GAS7: variants seen among roughly 807,000 people sequenced by gnomAD.
GAS7 encodes the protein growth arrest-specific protein 7.
A neutral mutation model predicts 71.1 loss-of-function variants in GAS7; 28 were observed. The observed-to-expected ratio is 0.39, with a 90% CI of 0.29 to 0.54. GAS7 has a LOEUF of 0.54. Ranked by LOEUF, GAS7 falls within the 20% of genes least tolerant of loss-of-function variation. The pLI is 0.62. For synonymous variants in GAS7, 258 were observed against 245.8 expected, an observed-to-expected ratio of 1.05 and a Z score of -0.46; for missense variants, 436 against 627.8, an observed-to-expected ratio of 0.69 and a Z score of 3.27.
intron 1 of GAS7, among the ~76,000 whole-genome samples, chr17:10,155,493 C>T (rs546060896): frequency 6.6e-6 from 1 of 152,320 alleles, no homozygotes; most frequent in East Asian, 1.9e-4. Context: ...GTGAATGACT[C>T]GTGAGCTTCA....
intron 1 of GAS7, among the ~76,000 whole-genome samples, chr17:10,167,127 G>A (rs2074301343): frequency 1.5e-5 from 2 of 130,594 alleles, no homozygotes; most frequent in Admixed American, 9.1e-5. Context: ...GTGTGATCTC[G>A]GCTCACCGCA....
intron 1 of GAS7, among the ~76,000 whole-genome samples, chr17:10,110,266 G>A (rs2073798711): frequency 6.6e-6 from 1 of 152,032 alleles, no homozygotes; most frequent in Admixed American, 6.6e-5. Context: ...GGAACTGGAG[G>A]TTATTATGTT....
intron 1 of GAS7, among the ~76,000 whole-genome samples, chr17:10,156,320 G>A (rs2074204988): frequency 6.6e-6 from 1 of 152,168 alleles, no homozygotes; most frequent in Admixed American, 6.5e-5. Flanking sequence ...CCTGTTTCTT[G>A]ACTCAAGCCA....
intron 5 of GAS7, 49 bp from the exon 6 acceptor site, chr17:9,947,032 G>T: frequency 7.6e-7 from 1 of 1,315,092 alleles, no homozygotes; most frequent in Non-Finnish European, 1.1e-6. Context: ...GACTGGAATA[G>T]CGAGGAAGGC....
chr17:10,055,305 C>T (rs933769448), intron 1 of GAS7, among the ~76,000 whole-genome samples: 2 of 152,124 alleles, frequency 1.3e-5, no homozygotes, highest in African/African-American at 4.8e-5. Context: ...TGTAAGGTAC[C>T]CAAACCTGCA....
rs1555538249 is a variant in GAS7 at position 10,158,346 on chromosome 17, A to AACAAAAAAC, written c.183+39861_183+39862insGTTTTTTGT. Among the ~76,000 whole-genome samples, 957 of 147,288 alleles carry AACAAAAAAC rather than the reference A, an allele frequency of 6.5e-3. 8 individuals are homozygous for AACAAAAAAC. The highest frequency in any genetic ancestry group is 0.012 in the African/African-American group (464 of 39,788). On this transcript the variant is annotated intron_variant, in intron 1 of 13. Coordinates refer to ENST00000432992, the MANE Select transcript of GAS7 (RefSeq NM_201433.2). ...TTTTTCTTTTTTTGGTAAAAAAAAA[A>AACAAAAAAC]AAAAAAAAAAAAAACAAGGCCAGGT... is the stretch of plus-strand genomic sequence containing the variant.
intron 3 of GAS7, among the ~76,000 whole-genome samples, chr17:9,975,966 C>T (rs2070184860): frequency 1.4e-5 from 2 of 144,922 alleles, no homozygotes; most frequent in Non-Finnish European, 3.1e-5. Flanking sequence ...CAATTACAGC[C>T]TCCTTCCTCC....
intron 5 of GAS7, 112 bp from the exon 6 acceptor site, chr17:9,947,095 G>A (rs185742746): frequency 2.6e-5 from 17 of 655,924 alleles, no homozygotes; most frequent in Admixed American, 5.0e-5. Flanking sequence ...GACAGAACAC[G>A]CACAGGGATC....
chr17:10,117,188 C>T (rs9897130), intron 1 of GAS7, among the ~76,000 whole-genome samples: 68,165 of 151,484 alleles, frequency 0.45, 15,986 homozygotes, highest in East Asian at 0.65. Flanking sequence ...CTTTCCCTGG[C>T]TTTCGGCCCC....
intron 1 of GAS7, among the ~76,000 whole-genome samples, chr17:10,129,459 C>A (rs188697538): frequency 6.6e-6 from 1 of 152,116 alleles, no homozygotes; most frequent in African/African-American, 2.4e-5. Context: ...TGTTTGAGAC[C>A]GGAAGGTCAA....
At position 10,139,173 on chromosome 17, in the gene GAS7, C is replaced by T. The variant is rs529180487; in HGVS notation, c.183+59035G>A. ...GTTATGAGGAAACTCCAGAGGAATT[C>T]CCACTAAAGACAGGAACACAGCTAT... On this transcript the variant is annotated intron_variant, in intron 1 of 13. Coordinates refer to ENST00000432992, the MANE Select transcript of GAS7 (RefSeq NM_201433.2). 8.5e-5 allele frequency among the ~76,000 whole-genome samples: 13 copies of T among 152,300 alleles called. No homozygotes were observed. In the East Asian group the frequency reaches 2.5e-3, roughly 29 times the overall value.
chr17:10,123,975 A>T (rs1206787725), intron 1 of GAS7, among the ~76,000 whole-genome samples: 1 of 152,236 alleles, frequency 6.6e-6, no homozygotes, highest in African/African-American at 2.4e-5. Flanking sequence ...CACTCATGCC[A>T]GTACCATCTG....
At chr17:10,002,144 A>G (rs1465081356) in intron 2 of GAS7, among the ~76,000 whole-genome samples, 1 of 152,190 alleles carries the variant, frequency 6.6e-6, no homozygotes, top group Non-Finnish European at 1.5e-5. Context: ...TGGCTTAAAG[A>G]ACAGAAACGT....
intron 1 of GAS7, among the ~76,000 whole-genome samples, chr17:10,146,787 A>G (rs1431960708): frequency 2.0e-5 from 3 of 152,088 alleles, no homozygotes; most frequent in Non-Finnish European, 2.9e-5. Context: ...GATCGAGACC[A>G]TCCTGGCTAA....
At chr17:10,151,783 C>T (rs932044089) in intron 1 of GAS7, among the ~76,000 whole-genome samples, 4 of 152,118 alleles carry the variant, frequency 2.6e-5, no homozygotes, top group East Asian at 3.9e-4. Flanking sequence ...TGGCTTCAAG[C>T]GCTCCTCCTG....
intron 1 of GAS7, among the ~76,000 whole-genome samples, chr17:10,194,178 G>A (rs1436981501): frequency 6.6e-6 from 1 of 152,170 alleles, no homozygotes; most frequent in Non-Finnish European, 1.5e-5. Context: ...AAAGAGAAAA[G>A]GTCCAGATTA....
chr17:10,164,307 T>G (rs1006885388), intron 1 of GAS7, among the ~76,000 whole-genome samples: 1 of 151,868 alleles, frequency 6.6e-6, no homozygotes, highest in Non-Finnish European at 1.5e-5. Context: ...CGGGGCTTGG[T>G]GGTGCGCGCT....
intron 1 of GAS7, among the ~76,000 whole-genome samples, chr17:10,151,498 T>C (rs537710530): frequency 1.3e-5 from 2 of 152,352 alleles, no homozygotes; most frequent in Admixed American, 6.5e-5. Context: ...AATGACAGCA[T>C]TTAATGTGAT....
Position 9,919,806 on chromosome 17 carries a change from G to A in GAS7, c.1139-101C>T. The A allele has an allele frequency of 1.1e-6, 1 of 878,436 alleles. No individual in the cohort carries two copies. The highest frequency in any genetic ancestry group is 1.9e-6 in the Non-Finnish European group (1 of 517,980). The allele number at this position is 878,436 out of a possible 1,614,324, so 54.4% of individuals were successfully genotyped here. ...AGCCAAGCCTTCTCCTCCCCCTGGG[G>A]TCATGGTGGCCGCTGGAAAGCTGGA... On this transcript the variant is annotated intron_variant, in intron 11 of 13. Coordinates refer to ENST00000432992, the MANE Select transcript of GAS7 (RefSeq NM_201433.2). This position sits in a 1 kb window ranked among gnomAD's most constrained non-coding sequence, Gnocchi z 5.0.
Sources: gnomAD v4.1 joint callset for allele counts (sites outside exome capture counted in the v4.1 genomes callset) on GRCh38, gnomAD v4.1.1 for gene constraint, Gnocchi (gnomAD v3.1) non-coding constraint, MANE v1.5 for transcripts, NCBI Gene and HGNC (gene_info 2026-07-23, HGNC 2026-07-21) for gene names.